MAGI1: variants seen among roughly 807,000 people sequenced by gnomAD.
MAGI1 encodes the protein membrane associated guanylate kinase, WW and PDZ domain containing 1.
Under a neutral mutation model 139.9 loss-of-function variants are expected in MAGI1, and 58 were observed. The ratio of observed to expected loss-of-function variants is 0.41; its 90% CI spans 0.34 to 0.52. The LOEUF is 0.52. Among genes scored for constraint, MAGI1 ranks in the 20% least tolerant of loss-of-function variants. The probability of loss-of-function intolerance (pLI) is 0.12; values close to 1 mark genes in which losing one functional copy is unlikely to be tolerated. For synonymous variants in MAGI1, 812 were observed against 737.9 expected (o/e 1.10, Z -1.63); for missense variants, 1,874 against 1,901.6 (o/e 0.99, Z 0.27).
At chr3:65,806,427 CAA>C (rs59762065) in intron 1 of MAGI1, among the ~76,000 whole-genome samples, 1 of 141,674 alleles carries the variant, frequency 7.1e-6, no homozygotes. Flanking sequence ...AACTCCATTT[CAA>C]AAAAAAAAAA....
intron 2 of MAGI1, among the ~76,000 whole-genome samples, chr3:65,606,183 A>T (rs2082728700): frequency 6.6e-6 from 1 of 152,166 alleles, no homozygotes; most frequent in Admixed American, 6.5e-5. Context: ...TCGGGTAGGA[A>T]CTTATCCAAG....
At chr3:65,644,416 CAAAA>C (rs750068803) in intron 1 of MAGI1, among the ~76,000 whole-genome samples, 1 of 102,848 alleles carries the variant, frequency 9.7e-6, no homozygotes, top group Non-Finnish European at 2.1e-5. Context: ...AACCTCAGCC[CAAAA>C]AAAAAAAAAA....
chr3:65,900,012 AG>A (rs776114561), intron 1 of MAGI1, among the ~76,000 whole-genome samples: 6 of 152,194 alleles, frequency 3.9e-5, no homozygotes, highest in Non-Finnish European at 7.3e-5. Context: ...CTTAGATCAA[AG>A]GGAGTAATCA....
At chr3:65,401,661 G>T (rs1371442223) in intron 12 of MAGI1, 191 bp from the exon 13 acceptor site, 1 of 1,545,108 alleles carries the variant, frequency 6.5e-7, no homozygotes, top group Admixed American at 2.0e-5. Context: ...GGAGGAGAGC[G>T]AGAGGCAGGA....
intron 12 of MAGI1, chr3:65,402,009 A>G (rs1944938150): frequency 2.0e-6 from 1 of 506,002 alleles, no homozygotes; most frequent in Admixed American, 6.4e-5. Flanking sequence ...GATGAGCTCA[A>G]TACCAAAACA....
chr3:65,357,232 C>T, intron 22 of MAGI1, 100 bp from the exon 23 acceptor site: 1 of 1,235,956 alleles, frequency 8.1e-7, no homozygotes, highest in Non-Finnish European at 1.1e-6. Context: ...TCACAACAAG[C>T]AAACAACTGT....
At chr3:65,647,566 G>T (rs1410475431) in intron 1 of MAGI1, among the ~76,000 whole-genome samples, 1 of 151,998 alleles carries the variant, frequency 6.6e-6, no homozygotes, top group African/African-American at 2.4e-5. Context: ...GACCAAGTGG[G>T]GTGATTATTC....
intron 1 of MAGI1, among the ~76,000 whole-genome samples, chr3:65,849,528 T>C (rs981634446): frequency 1.1e-4 from 17 of 150,664 alleles, no homozygotes; most frequent in African/African-American, 3.9e-4. Context: ...TATACATATA[T>C]ATCATCAAAT....
chr3:65,722,620 G>A (rs368407549), intron 1 of MAGI1, among the ~76,000 whole-genome samples: 26 of 152,026 alleles, frequency 1.7e-4, no homozygotes, highest in East Asian at 5.8e-4. Context: ...GCCATAGAGC[G>A]AGACCCTGTC....
At chr3:65,430,534 G>C (rs1156263006) in intron 11 of MAGI1, among the ~76,000 whole-genome samples, 165 bp downstream of exon 11, 2 of 152,162 alleles carry the variant, frequency 1.3e-5, no homozygotes, top group Non-Finnish European at 2.9e-5. Flanking sequence ...ATGAATTTAT[G>C]TAATGTGGAG....
intron 1 of MAGI1, among the ~76,000 whole-genome samples, chr3:65,827,017 G>A (rs1173712377): frequency 2.7e-5 from 4 of 150,710 alleles, no homozygotes; most frequent in African/African-American, 9.8e-5. Context: ...CTCCAACAAT[G>A]TTTCCTTATT....
At chr3:65,648,629 T>C (rs1278501761) in intron 1 of MAGI1, among the ~76,000 whole-genome samples, 2 of 152,172 alleles carry the variant, frequency 1.3e-5, no homozygotes, top group Non-Finnish European at 2.9e-5. Flanking sequence ...ACAGTAAATA[T>C]AGTATAATTC....
chr3:65,695,822 G>T (rs1013721854), intron 1 of MAGI1, among the ~76,000 whole-genome samples: 2 of 152,174 alleles, frequency 1.3e-5, no homozygotes, highest in East Asian at 3.9e-4. Context: ...CCAGGACACT[G>T]GGAAAGGCCT....
chr3:65,995,202 C>G (rs993038498), intron 1 of MAGI1, among the ~76,000 whole-genome samples: 3 of 152,286 alleles, frequency 2.0e-5, no homozygotes, highest in South Asian at 2.1e-4. Flanking sequence ...CTGGTGAAGA[C>G]AGACAACAAG....
At chr3:65,608,123 G>A (rs985782768) in intron 2 of MAGI1, among the ~76,000 whole-genome samples, 4 of 152,224 alleles carry the variant, frequency 2.6e-5, no homozygotes, top group African/African-American at 9.6e-5. Context: ...CTACAAATCA[G>A]AAAGCAAATG....
intron 1 of MAGI1, among the ~76,000 whole-genome samples, chr3:65,987,748 T>C (rs1374525012): frequency 1.5e-5 from 2 of 134,778 alleles, no homozygotes; most frequent in Non-Finnish European, 3.3e-5. Flanking sequence ...TTTGCATTTT[T>C]TGTAGGGATG....
Position 65,891,943 on chromosome 3 carries a change from C to T in MAGI1, c.313+146053G>A, listed in dbSNP as rs1266332940. Reference sequence around the variant, plus strand: ...ATATATATATATATATATATATATACCCGTGTTGCTCCAATTCAAATTTGT... The same window carrying T: ...ATATATATATATATATATATATATATCCGTGTTGCTCCAATTCAAATTTGT... On this transcript the variant is annotated intron_variant, in intron 1 of 22. Transcript: ENST00000402939. 2.5e-3 allele frequency among the ~76,000 whole-genome samples: 199 copies of T among 80,984 alleles called. 2 individuals carry two copies. Among genetic ancestry groups the T allele is most frequent in the African/African-American group, 7.8e-3 (172 of 21,988 alleles). 53.1% of individuals were successfully genotyped at this position (80,984 alleles called of 152,430 possible). A position where few individuals can be genotyped will look rare whatever the true frequency, so the allele number is the denominator to read the frequency against.
At chr3:65,721,412 A>G (rs1013970236) in intron 1 of MAGI1, among the ~76,000 whole-genome samples, 1 of 152,202 alleles carries the variant, frequency 6.6e-6, no homozygotes, top group Non-Finnish European at 1.5e-5. Flanking sequence ...TAATTAGGTC[A>G]GGATAAGGTG....
intron 1 of MAGI1, among the ~76,000 whole-genome samples, chr3:65,854,257 G>A (rs1314404442): frequency 6.6e-6 from 1 of 151,006 alleles, no homozygotes; most frequent in Non-Finnish European, 1.5e-5. Context: ...AGAAGAGTCT[G>A]GGCAACAAAG....
Sources: allele counts gnomAD v4.1 joint callset (sites outside exome capture counted in the v4.1 genomes callset), GRCh38; gene constraint gnomAD v4.1.1; transcripts MANE v1.5; gene names NCBI Gene and HGNC (gene_info 2026-07-23, HGNC 2026-07-21).